NECAP1: variants seen among roughly 807,000 people sequenced by gnomAD.
NECAP1 encodes adaptin ear-binding coat-associated protein 1.
A neutral mutation model predicts 33.4 loss-of-function variants in NECAP1; 13 were observed. The observed-to-expected ratio is 0.39, with a 90% confidence interval of 0.25 to 0.62. The LOEUF is 0.62. NECAP1 is among the 20% of genes least tolerant of loss of function. The pLI is 0.52. For synonymous variants in NECAP1, 109 were observed against 125.2 expected, an observed-to-expected ratio of 0.87 and a Z score of 0.86; for missense variants, 272 against 347.4, an observed-to-expected ratio of 0.78 and a Z score of 1.73.
chr12:8,094,052 T>A (rs1198304643), intron 6 of NECAP1, among the ~76,000 whole-genome samples: 1 of 152,220 alleles, frequency 6.6e-6, no homozygotes, highest in East Asian at 1.9e-4. Flanking sequence ...GAACTGTGTC[T>A]TAGAATCTGA....
intron 1 of NECAP1, among the ~76,000 whole-genome samples, chr12:8,084,332 A>G (rs1404395008): frequency 6.6e-6 from 1 of 152,182 alleles, no homozygotes; most frequent in Admixed American, 6.5e-5. Context: ...TGGTAGTTAC[A>G]GGTACTATAT....
At chr12:8,093,912 A>G (rs1270222443) in intron 6 of NECAP1, 1 of 152,216 alleles carries the variant, frequency 6.6e-6, no homozygotes, top group African/African-American at 2.4e-5. Flanking sequence ...AGAAAAGAAG[A>G]TATCTAGGTT....
Position 8,083,729 on chromosome 12 carries a change from G to A in NECAP1, c.95+1346G>A, listed in dbSNP as rs774899337. 7.8e-4 allele frequency among the ~76,000 whole-genome samples: 71 copies of A among 91,188 alleles called. 1 individual carries two copies. The East Asian group carries it at 0.013, about 17-fold the overall frequency. The allele number at this position is 91,188 out of a possible 152,430, so 59.8% of individuals were successfully genotyped here. On this transcript the variant is annotated intron_variant, in intron 1 of 7. Coordinates refer to ENST00000339754, the MANE Select transcript of NECAP1 (RefSeq NM_015509.4). ...AGGCGTGACACCACGCCCAGCCGTC[G>A]TTTTTTTTTTTTTTTTTTTTTGTTA...
chr12:8,093,235 C>T (rs1286601829), intron 6 of NECAP1, 180 bp downstream of exon 6: 1 of 569,558 alleles, frequency 1.8e-6, no homozygotes, highest in Non-Finnish European at 3.0e-6. Flanking sequence ...CATAGTATCT[C>T]ATAGGTTCTT....
At chr12:8,085,369 ACTT>A (rs1246066282) in intron 1 of NECAP1, among the ~76,000 whole-genome samples, 2 of 151,944 alleles carry the variant, frequency 1.3e-5, no homozygotes, top group African/African-American at 4.8e-5. Context: ...CTCTATCTTC[ACTT>A]CTTAGTTTTC....
rs1947592662 is a variant in NECAP1, at chr12:8,096,223, T to TC, written c.*135dup. Reference sequence around the variant, plus strand: ...ACTGGACAATCTTTTTCATAGCTTCTCCATCACATTCAAGCTGGTTTATGT... The same window carrying TC: ...ACTGGACAATCTTTTTCATAGCTTCTCCCATCACATTCAAGCTGGTTTATGT... On this transcript the variant is annotated 3_prime_UTR_variant, in exon 8 of 8. Coordinates refer to ENST00000339754, the MANE Select transcript of NECAP1 (RefSeq NM_015509.4). 8 of 863,110 alleles carry TC rather than the reference T, an allele frequency of 9.3e-6. No homozygotes were observed. The highest frequency in any genetic ancestry group is 1.1e-5 in the Non-Finnish European group (6 of 559,346). 53.5% of individuals were successfully genotyped at this position (863,110 alleles called of 1,614,324 possible). A position where few individuals can be genotyped will look rare whatever the true frequency, so the allele number is the denominator to read the frequency against.
chr12:8,086,899 C>G (rs1465125054), intron 1 of NECAP1, among the ~76,000 whole-genome samples: 1 of 151,228 alleles, frequency 6.6e-6, no homozygotes, highest in Non-Finnish European at 1.5e-5. Flanking sequence ...CCATTGCACT[C>G]CAGCCTGGGT....
intron 3 of NECAP1, chr12:8,091,490 G>C: frequency 2.4e-6 from 1 of 424,358 alleles, no homozygotes; most frequent in Non-Finnish European, 4.3e-6. Flanking sequence ...GATTCTCATA[G>C]GGAGCTCATA....
intron 1 of NECAP1, among the ~76,000 whole-genome samples, chr12:8,086,244 C>G (rs1408916292): frequency 6.6e-6 from 1 of 152,152 alleles, no homozygotes; most frequent in Non-Finnish European, 1.5e-5. Flanking sequence ...TTTAATTCAC[C>G]TAGTGTAAGC....
At chr12:8,082,739 G>C (rs2120449888) in intron 1 of NECAP1, 1 of 234,636 alleles carries the variant, frequency 4.3e-6, no homozygotes, top group African/African-American at 2.3e-5. Flanking sequence ...GCGTCCTTCA[G>C]CTTATCATCC....
chr12:8,093,794 A>G (rs1591597109), intron 6 of NECAP1: 1 of 152,198 alleles, frequency 6.6e-6, no homozygotes, highest in African/African-American at 2.4e-5. Flanking sequence ...TACCACCCCA[A>G]GGTCATGAGG....
At chr12:8,082,528 A>C (rs1591593544) in intron 1 of NECAP1, 145 bp downstream of exon 1, 1 of 672,046 alleles carries the variant, frequency 1.5e-6, no homozygotes, top group Non-Finnish European at 2.6e-6. Flanking sequence ...CATCTCCCTG[A>C]CCACCTGCTC....
rs1327905956 is a variant in NECAP1, at chr12:8,097,340, A to T, written c.*1250A>T. On this transcript the variant is annotated 3_prime_UTR_variant, in exon 8 of 8. Coordinates refer to ENST00000339754, the MANE Select transcript of NECAP1 (RefSeq NM_015509.4). Reference sequence around the variant, plus strand: ...TTTTGTTTCTAAACGAGCAATTTTGAGGATGAAATGGGAAGATATCATTGC... The same window carrying T: ...TTTTGTTTCTAAACGAGCAATTTTGTGGATGAAATGGGAAGATATCATTGC... 1.3e-5 allele frequency: 2 copies of T among 152,642 alleles called. No individual in the cohort carries two copies. The highest frequency in any genetic ancestry group is 2.9e-5 in the Non-Finnish European group (2 of 68,030). 9.5% of individuals were successfully genotyped at this position (152,642 alleles called of 1,614,324 possible).
At chr12:8,089,833 A>G in intron 1 of NECAP1, 103 bp from the exon 2 acceptor site, 1 of 846,844 alleles carries the variant, frequency 1.2e-6, no homozygotes, top group South Asian at 1.4e-5. Flanking sequence ...GGTAGAAAGA[A>G]TAGGCAATCC....
intron 4 of NECAP1, chr12:8,092,099 T>C (rs2120483561): frequency 2.1e-6 from 1 of 471,884 alleles, no homozygotes; most frequent in African/African-American, 2.0e-5. Context: ...CTGTCGAATT[T>C]GCCCCGTCTT....
chr12:8,089,874 T>C lies in NECAP1; in HGVS notation c.96-62T>C, dbSNP rs1408428809. On this transcript the variant is annotated intron_variant, in intron 1 of 7. Transcript: ENST00000339754. ...AGGGAAATAGAAATACAGTCAAAGA[T>C]TGTGGGTGGGCGTTAGTAAATTAAG... is the stretch of plus-strand genomic sequence containing the variant. 1.9e-5 allele frequency: 23 copies of C among 1,189,172 alleles called. No homozygotes were observed. In the Admixed American group the frequency reaches 3.1e-4, roughly 16 times the overall value. The allele number at this position is 1,189,172 out of a possible 1,614,324, so 73.7% of individuals were successfully genotyped here. A position where few individuals can be genotyped will look rare whatever the true frequency, so the allele number is the denominator to read the frequency against.
At chr12:8,086,928 T>TACACACACACACAC (rs140539415) in intron 1 of NECAP1, among the ~76,000 whole-genome samples, 3 of 143,750 alleles carry the variant, frequency 2.1e-5, no homozygotes, top group Non-Finnish European at 1.5e-5. Flanking sequence ...GAGACTCTAT[T>TACACACACACACAC]ACACACACAC....
Position 8,092,775 on chromosome 12 carries a change from G to A in NECAP1, c.483G>A (p.Leu161=), listed in dbSNP as rs748571070. Residue 161 remains leucine, a synonymous_variant, in exon 5 of 8, where the codon TTG becomes TTA. Coordinates refer to ENST00000339754, the MANE Select transcript of NECAP1 (RefSeq NM_015509.4). ...LGFKEGQTIK[L]CIGNITNKKG... ...TCAAGGAAGGACAAACCATCAAGTTGTGTATCGGGGTGAGTATGGTTTTTA... is the reference window on the plus strand; with the variant it reads ...TCAAGGAAGGACAAACCATCAAGTTATGTATCGGGGTGAGTATGGTTTTTA... 2 of 1,611,918 alleles carry A rather than the reference G, an allele frequency of 1.2e-6. No individual in the cohort carries two copies. Among genetic ancestry groups the A allele is most frequent in the South Asian group, 2.2e-5 (2 of 90,772 alleles).
intron 1 of NECAP1, among the ~76,000 whole-genome samples, chr12:8,085,376 A>T (rs1287009200): frequency 6.6e-6 from 1 of 152,162 alleles, no homozygotes; most frequent in Non-Finnish European, 1.5e-5. Context: ...TTCACTTCTT[A>T]GTTTTCCACA....
Sources: allele counts gnomAD v4.1 joint callset (sites outside exome capture counted in the v4.1 genomes callset), GRCh38; gene constraint gnomAD v4.1.1; transcripts MANE v1.5; gene names NCBI Gene and HGNC (gene_info 2026-07-23, HGNC 2026-07-21).